Variants in LRRC37A observed in about 807,000 individuals in gnomAD.
The protein encoded by LRRC37A is leucine rich repeat containing 37A.
A neutral mutation model predicts 35.4 loss-of-function variants in LRRC37A; 3 were observed. The ratio of observed to expected loss-of-function variants is 0.08; its 90% CI spans 0.04 to 0.22. The LOEUF (loss-of-function observed/expected upper bound fraction) is 0.22. Ranked by LOEUF, LRRC37A falls within the 10% of genes least tolerant of loss-of-function variation. The pLI is 1.00. For missense variants in LRRC37A, 67 were observed against 565.3 expected (o/e 0.12, Z 8.94); for synonymous variants, 23 against 215.0 (o/e 0.11, Z 7.81).
At chr17:46,289,044 T>C (rs2532250), upstream of LRRC37A, among the ~76,000 whole-genome samples, 21,648 of 151,696 alleles carry the variant, frequency 0.14, 1,893 homozygotes, top group Middle Eastern at 0.22. Context: ...ACTTTTTAAG[T>C]GCATCTCTTC....
chr17:46,278,411 T>G, the LRRC37A span, among the ~76,000 whole-genome samples: 1 of 112,924 alleles, frequency 8.9e-6, no homozygotes, highest in Non-Finnish European at 2.3e-5. Context: ...GTTTTTTTTT[T>G]GTTGTTGTTT....
At position 46,330,968 on chromosome 17, in the gene LRRC37A, G is replaced by A. The variant is rs138752722; in HGVS notation, c.3691G>A (p.Val1231Ile). The A allele has an allele frequency of 5.0e-5, 36 of 724,140 alleles. 9 individuals are homozygous for A. Among genetic ancestry groups the A allele is most frequent in the African/African-American group, 2.8e-4 (15 of 53,470 alleles). The allele number at this position is 724,140 out of a possible 1,614,324, so 44.9% of individuals were successfully genotyped here. A position where few individuals can be genotyped will look rare whatever the true frequency, so the allele number is the denominator to read the frequency against. ...GCCTGAGAAGTTAGCGGGAAACGCC[G>A]TCTACACCAAGCCTTCGTTCACCCA... The change falls in exon 9 of 14, where the codon GTC (valine) becomes ATC (isoleucine). Residue 1231 changes from valine to isoleucine, a missense_variant. Coordinates refer to ENST00000320254, the Ensembl canonical transcript of LRRC37A.
chr17:46,332,593 C>G (rs777293306), exon 10 of LRRC37A: 1 of 1,266,428 alleles, frequency 7.9e-7, no homozygotes, highest in Non-Finnish European at 1.1e-6. Flanking sequence ...CTGACAAACT[C>G]ATCTTGGCAT....
the LRRC37A span, among the ~76,000 whole-genome samples, chr17:46,280,569 C>CTTTTTT: frequency 5.6e-3 from 626 of 111,870 alleles, 20 homozygotes; most frequent in Non-Finnish European, 8.5e-3. Flanking sequence ...TGATAGCACA[C>CTTTTTT]TTTTTTTTTT....
At position 46,327,001 on chromosome 17, in the gene LRRC37A, A is replaced by G. The variant is rs2051763417; in HGVS notation, c.3054-1391A>G. On this transcript the variant is annotated intron_variant, in intron 7 of 13. Transcript: ENST00000320254. Reference sequence around the variant, plus strand: ...GAAAGAATAGTACAGAATCCAATCAAAGATCAGGCACTGCATGTCATGTCT... The same window carrying G: ...GAAAGAATAGTACAGAATCCAATCAGAGATCAGGCACTGCATGTCATGTCT... 6.1e-5 allele frequency among the ~76,000 whole-genome samples: 5 copies of G among 81,522 alleles called. No homozygotes were observed. In the South Asian group the frequency reaches 2.4e-3, roughly 40 times the overall value. The allele number at this position is 81,522 out of a possible 152,430, so 53.5% of individuals were successfully genotyped here.
At chr17:46,279,459 C>T in the LRRC37A span, among the ~76,000 whole-genome samples, 3 of 151,162 alleles carry the variant, frequency 2.0e-5, no homozygotes, top group South Asian at 2.1e-4. Context: ...GCTGGGATTA[C>T]AGGCATGAGC....
chr17:46,260,562 C>T, the LRRC37A span: 1 of 1,548,440 alleles, frequency 6.5e-7, no homozygotes, highest in Non-Finnish European at 8.9e-7. Context: ...CCAGCGCCGC[C>T]TTCACCCTCT....
At chr17:46,259,273 G>T in the LRRC37A span, among the ~76,000 whole-genome samples, 1 of 151,588 alleles carries the variant, frequency 6.6e-6, no homozygotes, top group Non-Finnish European at 1.5e-5. Context: ...GTATGATCGG[G>T]TGGGGGTGGG....
the LRRC37A span, among the ~76,000 whole-genome samples, chr17:46,268,988 A>G: frequency 6.6e-6 from 1 of 152,268 alleles, no homozygotes; most frequent in Admixed American, 6.5e-5. Context: ...ATGTTTTTAA[A>G]TATTTTAATT....
chr17:46,264,146 CTT>C, the LRRC37A span, among the ~76,000 whole-genome samples: 6 of 138,754 alleles, frequency 4.3e-5, no homozygotes, highest in African/African-American at 8.1e-5. Flanking sequence ...CCTCAGCTGA[CTT>C]TTTTTTTTTT....
the LRRC37A span, among the ~76,000 whole-genome samples, chr17:46,258,800 T>C: frequency 6.8e-6 from 1 of 147,854 alleles, no homozygotes; most frequent in African/African-American, 2.5e-5. Context: ...CTGCAAGCTC[T>C]GCCTCCTGGG....
At chr17:46,308,828 G>C (rs1332950549) in intron 5 of LRRC37A, among the ~76,000 whole-genome samples, 1 of 73,638 alleles carries the variant, frequency 1.4e-5, no homozygotes, top group East Asian at 2.6e-4. Flanking sequence ...GTGGTTGATC[G>C]ATGATGAATT....
the LRRC37A span, among the ~76,000 whole-genome samples, chr17:46,278,366 T>TTTTTG: frequency 2.0e-5 from 3 of 152,118 alleles, no homozygotes; most frequent in Non-Finnish European, 4.4e-5. Flanking sequence ...GTCCTAGTCT[T>TTTTTG]TTTTGTTTTG....
At chr17:46,290,364 G>A (rs1189702780), upstream of LRRC37A, among the ~76,000 whole-genome samples, 2 of 152,100 alleles carry the variant, frequency 1.3e-5, no homozygotes, top group Non-Finnish European at 2.9e-5. Context: ...GGCCTCAAGT[G>A]ATCCACCCAC....
At chr17:46,291,552 G>A (rs550711961), upstream of LRRC37A, among the ~76,000 whole-genome samples, 185 of 151,456 alleles carry the variant, frequency 1.2e-3, no homozygotes, top group African/African-American at 4.3e-3. Context: ...CAGGAGAGAA[G>A]AAAACAACAC....
At chr17:46,333,009 AATG>A (rs1334649205) in intron 10 of LRRC37A, among the ~76,000 whole-genome samples, 4 of 143,798 alleles carry the variant, frequency 2.8e-5, no homozygotes, top group African/African-American at 1.0e-4. Flanking sequence ...TTGTTGCTGA[AATG>A]ATGAGAGAGG....
At chr17:46,262,935 G>A in the LRRC37A span, among the ~76,000 whole-genome samples, 6 of 152,306 alleles carry the variant, frequency 3.9e-5, no homozygotes, top group African/African-American at 9.6e-5. Flanking sequence ...AAGGAAATCC[G>A]GGTGTGGTAG....
the LRRC37A span, among the ~76,000 whole-genome samples, chr17:46,261,945 AATTATT>A: frequency 1.3e-5 from 2 of 151,928 alleles, no homozygotes; most frequent in African/African-American, 2.4e-5. Flanking sequence ...TCCTAAAGAC[AATTATT>A]ATTATTATTA....
the LRRC37A span, among the ~76,000 whole-genome samples, chr17:46,251,818 G>C: frequency 9.9e-3 from 1,489 of 150,390 alleles, 36 homozygotes; most frequent in African/African-American, 0.031. Flanking sequence ...AGACATCTGG[G>C]AATCTTAGGG....
Sources: allele counts gnomAD v4.1 joint callset (sites outside exome capture counted in the v4.1 genomes callset), GRCh38; gene constraint gnomAD v4.1.1; transcripts MANE v1.5; gene names NCBI Gene and HGNC (gene_info 2026-07-23, HGNC 2026-07-21).